INTS7: variants seen among roughly 807,000 people sequenced by gnomAD.
INTS7 encodes integrator complex subunit 7.
A neutral mutation model predicts 109.2 loss-of-function variants in INTS7; 46 were observed. That is an observed-to-expected ratio of 0.42 (90% CI 0.33 to 0.54). INTS7 has a LOEUF of 0.54. INTS7 is among the 20% of genes least tolerant of loss of function. INTS7 has a pLI of 0.07. For synonymous variants in INTS7, 412 were observed against 402.9 expected (o/e 1.02, Z -0.27); for missense variants, 929 against 1,132.4 (o/e 0.82, Z 2.58).
Position 212,011,361 on chromosome 1 carries a change from T to C in INTS7, c.556+14A>G, listed in dbSNP as rs762229361. The C allele has an allele frequency of 7.0e-7, 1 of 1,438,424 alleles. No individual in the cohort carries two copies. Among genetic ancestry groups the C allele is most frequent in the Non-Finnish European group, 9.7e-7 (1 of 1,035,220 alleles). 89.1% of individuals were successfully genotyped at this position (1,438,424 alleles called of 1,614,324 possible). Reference sequence around the variant, plus strand: ...AATTAAGTCACTTCATAATACTAAATGAAGAATACATACCTTGAATCATTT... The same window carrying C: ...AATTAAGTCACTTCATAATACTAAACGAAGAATACATACCTTGAATCATTT... On this transcript the variant is annotated intron_variant, in intron 5 of 19. Transcript: ENST00000366994.
intron 16 of INTS7, among the ~76,000 whole-genome samples, chr1:211,953,269 C>A (rs565442669): frequency 6.6e-6 from 1 of 152,314 alleles, no homozygotes; most frequent in East Asian, 1.9e-4. Context: ...TCTGTATACA[C>A]AGCGTGCTGG....
In INTS7 at chr1:211,976,569, G is replaced by A; in HGVS notation, c.1608+13C>T. 1 of 1,609,978 alleles carries A rather than the reference G, an allele frequency of 6.2e-7. No homozygotes were observed. Among genetic ancestry groups the A allele is most frequent in the Non-Finnish European group, 8.5e-7 (1 of 1,176,902 alleles). On this transcript the variant is annotated intron_variant, in intron 12 of 19. Coordinates refer to ENST00000366994, the MANE Select transcript of INTS7 (RefSeq NM_015434.4). ...TTCCAGCAACCCAGTTCACTCAGAA[G>A]GGTAACACATACCATTCTGGAAGCC...
Position 211,998,514 on chromosome 1 carries a change from C to T in INTS7, c.879+8125G>A, listed in dbSNP as rs975010693. 2.8e-4 allele frequency among the ~76,000 whole-genome samples: 42 copies of T among 152,172 alleles called. 1 individual carries two copies. The highest frequency in any genetic ancestry group is 4.6e-4 in the Non-Finnish European group (31 of 68,034). Reference sequence around the variant, plus strand: ...TGCCACAACTGGCTATCCAAAGCACCTTGATGCCTACCTTGTACCATACAC... The same window carrying T: ...TGCCACAACTGGCTATCCAAAGCACTTTGATGCCTACCTTGTACCATACAC... On this transcript the variant is annotated intron_variant, in intron 7 of 19. Coordinates refer to ENST00000366994, the MANE Select transcript of INTS7 (RefSeq NM_015434.4).
intron 17 of INTS7, among the ~76,000 whole-genome samples, chr1:211,948,428 A>C (rs1662935242): frequency 6.6e-6 from 1 of 152,250 alleles, no homozygotes; most frequent in Admixed American, 6.5e-5. Context: ...CTGATGCCAC[A>C]CTAGTGTCTA....
At chr1:212,032,498 A>G (rs1667213839) in intron 1 of INTS7, among the ~76,000 whole-genome samples, 1 of 149,190 alleles carries the variant, frequency 6.7e-6, no homozygotes, top group South Asian at 2.1e-4. Context: ...TTTTTTTTCG[A>G]GACAGTCTTG....
intron 7 of INTS7, among the ~76,000 whole-genome samples, chr1:211,991,514 CATT>C (rs1252896480): frequency 6.6e-6 from 1 of 152,236 alleles, no homozygotes; most frequent in African/African-American, 2.4e-5. Flanking sequence ...GGGAAACAGT[CATT>C]ATACATCCTT....
rs750646879 is a variant in INTS7, at chr1:211,952,581, A to T, written c.2304T>A (p.Pro768=). The part of the protein sequence containing the change: ...EVESLNRKYT[P]VSYMHTACLC... ...AAATGCCACTTGCCATATAAGAAAC[A>T]GGGGTATATTTCCGATTGAGTGATT... Residue 768 remains proline (P), a synonymous_variant, in exon 17 of 20, where the codon CCT becomes CCA. Transcript: ENST00000366994. 1.9e-6 allele frequency: 3 copies of T among 1,612,240 alleles called. No individual in the cohort carries two copies. The African/African-American group carries it at 4.0e-5, about 22-fold the overall frequency.
rs1430782455 is a variant in INTS7 at position 211,952,580 on chromosome 1, C to G, written c.2305G>C (p.Val769Leu). 1.4e-5 allele frequency: 22 copies of G among 1,611,856 alleles called. No individual in the cohort carries two copies. The highest frequency in any genetic ancestry group is 1.8e-5 in the Non-Finnish European group (21 of 1,179,384). ...CAAATGCCACTTGCCATATAAGAAA[C>G]AGGGGTATATTTCCGATTGAGTGAT... ...VESLNRKYTP[V>L]SYMHTACLCN... The change falls in exon 17 of 20, where the codon GTT (valine) becomes CTT (leucine). Residue 769 changes from valine to leucine, a missense_variant. This residue lies in a region of INTS7 where 787 missense variants were observed against 901.1 expected (regional missense o/e 0.87). Transcript: ENST00000366994.
chr1:211,951,317 T>G (rs114635047), intron 17 of INTS7, among the ~76,000 whole-genome samples: 1 of 143,178 alleles, frequency 7.0e-6, no homozygotes, highest in Non-Finnish European at 1.5e-5. Flanking sequence ...GTTTGGTTGG[T>G]TTTTTTTTGA....
Position 211,940,539 on chromosome 1 carries a change from A to T in INTS7, c.*1285T>A, listed in dbSNP as rs928309635. The T allele has an allele frequency of 2.0e-5, 3 of 152,214 alleles. No homozygotes were observed. The highest frequency in any genetic ancestry group is 4.4e-5 in the Non-Finnish European group (3 of 68,042). 9.4% of individuals were successfully genotyped at this position (152,214 alleles called of 1,614,324 possible). ...TGATCCCTGATGTTTAGAAATCGTG[A>T]TCCTGAAGCCCTAAATGATCCCCAA... On this transcript the variant is annotated 3_prime_UTR_variant, in exon 20 of 20. Transcript: ENST00000366994.
At chr1:212,034,696 C>G (rs1405489244) in intron 1 of INTS7, among the ~76,000 whole-genome samples, 1 of 152,184 alleles carries the variant, frequency 6.6e-6, no homozygotes, top group Non-Finnish European at 1.5e-5. Flanking sequence ...CTCAATGGTA[C>G]TGTACCCACT....
intron 1 of INTS7, among the ~76,000 whole-genome samples, chr1:212,028,262 T>A (rs1440482283): frequency 6.6e-6 from 1 of 152,256 alleles, no homozygotes; most frequent in East Asian, 1.9e-4. Flanking sequence ...TGGCACAATG[T>A]TTTTAAAGGT....
chr1:211,974,019 C>T (rs112656597), intron 13 of INTS7, among the ~76,000 whole-genome samples: 3 of 152,102 alleles, frequency 2.0e-5, no homozygotes, highest in African/African-American at 7.2e-5. Context: ...ACACATACCA[C>T]ACAAATCATT....
intron 7 of INTS7, among the ~76,000 whole-genome samples, chr1:212,000,768 AT>A (rs1665632682): frequency 6.6e-6 from 1 of 152,170 alleles, no homozygotes; most frequent in African/African-American, 2.4e-5. Flanking sequence ...CCCAAAAAAA[AT>A]CCATCACAAG....
intron 4 of INTS7, among the ~76,000 whole-genome samples, chr1:212,014,281 G>T (rs1370308639): frequency 6.6e-6 from 1 of 151,712 alleles, no homozygotes; most frequent in East Asian, 1.9e-4. Context: ...CCTGGCCAAC[G>T]TGCTGAAACC....
At chr1:211,967,294 T>C (rs1202337012) in intron 15 of INTS7, among the ~76,000 whole-genome samples, 1 of 151,508 alleles carries the variant, frequency 6.6e-6, no homozygotes, top group African/African-American at 2.4e-5. Flanking sequence ...CTACTAAAAA[T>C]ATAAAAATTA....
Position 212,020,787 on chromosome 1 carries a change from C to T in INTS7, c.224+296G>A, listed in dbSNP as rs573861234. The T allele has an allele frequency of 7.2e-6, 7 of 971,112 alleles. No individual in the cohort carries two copies. The East Asian group carries it at 4.4e-4, about 61-fold the overall frequency. The allele number at this position is 971,112 out of a possible 1,614,324, so 60.2% of individuals were successfully genotyped here. A position where few individuals can be genotyped will look rare whatever the true frequency, so the allele number is the denominator to read the frequency against. ...ATAAATTATTAAATTAAATCAGAAACTTCTCAAAAACAATCTGTACAAAGA... is the reference window on the plus strand; with the variant it reads ...ATAAATTATTAAATTAAATCAGAAATTTCTCAAAAACAATCTGTACAAAGA... On this transcript the variant is annotated intron_variant, in intron 2 of 19. Transcript: ENST00000366994.
Position 211,968,722 on chromosome 1 carries a change from AAAAAG to A in INTS7, c.1816-20_1816-16del, listed in dbSNP as rs770210444. ...GTACTAGCTGCCTGGGAAAAAAAAA[AAAAAG>A]AGATATTTAAGACAAAGTAAACAGA... On this transcript the variant is annotated splice_polypyrimidine_tract_variant and intron_variant, in intron 13 of 19. Transcript: ENST00000366994. 3 of 1,593,176 alleles carry A rather than the reference AAAAAG, an allele frequency of 1.9e-6. No homozygotes were observed. Among genetic ancestry groups the A allele is most frequent in the East Asian group, 4.5e-5 (2 of 44,772 alleles).
At chr1:211,948,941 G>A (rs1344214779) in intron 17 of INTS7, among the ~76,000 whole-genome samples, 8 of 152,310 alleles carry the variant, frequency 5.3e-5, no homozygotes, top group South Asian at 4.1e-4. Flanking sequence ...TCCTGACCTC[G>A]TGATCCACCC....
Sources: allele counts gnomAD v4.1 joint callset (sites outside exome capture counted in the v4.1 genomes callset), GRCh38; gene constraint gnomAD v4.1.1; regional missense constraint gnomAD v4.1.1; transcripts MANE v1.5; gene names NCBI Gene and HGNC (gene_info 2026-07-23, HGNC 2026-07-21).